DNAAF4: variants seen among roughly 807,000 people sequenced by gnomAD.
DNAAF4 encodes dynein axonemal assembly factor 4, also known as dynein assembly factor 4, axonemal.
In DNAAF4, 43 loss-of-function variants were observed where a neutral mutation model predicts 51.8. The ratio of observed to expected loss-of-function variants is 0.83; its 90% CI spans 0.65 to 1.07. The LOEUF (loss-of-function observed/expected upper bound fraction) is 1.07, where lower values mean the gene tolerates loss of function less well. Ranked by LOEUF, DNAAF4 falls within the 50% of genes least tolerant of loss-of-function variation. The pLI is 0.00. For synonymous variants in DNAAF4, 194 were observed against 165.6 expected (o/e 1.17, Z -1.32); for missense variants, 581 against 493.0 (o/e 1.18, Z -1.69).
At chr15:55,455,025 A>C (rs2057996407) in intron 5 of DNAAF4, among the ~76,000 whole-genome samples, 1 of 151,414 alleles carries the variant, frequency 6.6e-6, no homozygotes. Flanking sequence ...TATGAAAATG[A>C]ATTTGAATAG....
At chr15:55,490,454 T>C (rs1206717748) in intron 4 of DNAAF4, among the ~76,000 whole-genome samples, 1 of 152,204 alleles carries the variant, frequency 6.6e-6, no homozygotes, top group Admixed American at 6.5e-5. Context: ...ATTAAAACTT[T>C]CACTTAAAAC....
In DNAAF4 at chr15:55,473,208, T is replaced by A. The variant is rs1162954236; in HGVS notation, c.406-6047A>T. ...AACCTAAAAAAAAAAAATATATATA[T>A]ATATATATATATATGTGTGTGTGTA... On this transcript the variant is annotated intron_variant, in intron 4 of 9. Transcript: ENST00000321149. Among the ~76,000 whole-genome samples, 14 of 118,812 alleles carry A rather than the reference T, an allele frequency of 1.2e-4. 1 individual carries two copies. Among genetic ancestry groups the A allele is most frequent in the African/African-American group, 3.7e-4 (12 of 32,288 alleles). The allele number at this position is 118,812 out of a possible 152,430, so 77.9% of individuals were successfully genotyped here.
chr15:55,429,862 A>T (rs1033208268), downstream of DNAAF4, among the ~76,000 whole-genome samples: 3 of 152,028 alleles, frequency 2.0e-5, no homozygotes, highest in African/African-American at 7.2e-5. Flanking sequence ...AGAGAATTAC[A>T]GTAACTACAA....
chr15:55,437,430 C>T (rs2057631217), intron 7 of DNAAF4, among the ~76,000 whole-genome samples: 1 of 150,932 alleles, frequency 6.6e-6, no homozygotes, highest in African/African-American at 2.4e-5. Flanking sequence ...GGTGTTGTAA[C>T]AGACAAGAGA....
chr15:55,433,963 AAT>A (rs1293254758), intron 8 of DNAAF4, among the ~76,000 whole-genome samples: 1 of 29,928 alleles, frequency 3.3e-5, no homozygotes, highest in Non-Finnish European at 6.2e-5. Flanking sequence ...TAATATATAT[AAT>A]ATATTTTATA....
intron 5 of DNAAF4, among the ~76,000 whole-genome samples, chr15:55,460,838 C>T (rs994292117): frequency 9.2e-5 from 14 of 151,390 alleles, no homozygotes; most frequent in Non-Finnish European, 1.5e-4. Flanking sequence ...GATCTCGACT[C>T]ACCGCAACCT....
At chr15:55,428,114 C>A (rs573841309), downstream of DNAAF4, among the ~76,000 whole-genome samples, 4 of 151,826 alleles carry the variant, frequency 2.6e-5, no homozygotes, top group African/African-American at 9.7e-5. Context: ...CCACCATGCC[C>A]GGCTAATTTT....
At chr15:55,448,520 GT>G (rs1372771194) in intron 6 of DNAAF4, among the ~76,000 whole-genome samples, 563 of 30,430 alleles carry the variant, frequency 0.019, 25 homozygotes, top group African/African-American at 0.083. Context: ...AAAAAAAAGG[GT>G]GTGTGTGTGT....
intron 4 of DNAAF4, among the ~76,000 whole-genome samples, chr15:55,469,775 C>A (rs1395342509): frequency 6.6e-6 from 1 of 151,972 alleles, no homozygotes; most frequent in Non-Finnish European, 1.5e-5. Context: ...CAGGCGTGAG[C>A]CACTGCGCCC....
At chr15:55,430,307 G>A (rs1458674713), downstream of DNAAF4, 5 of 834,966 alleles carry the variant, frequency 6.0e-6, no homozygotes, top group African/African-American at 1.8e-5. Flanking sequence ...ACAAACAAAA[G>A]TTATTTATAA....
At chr15:55,483,038 C>T (rs2058433464) in intron 4 of DNAAF4, among the ~76,000 whole-genome samples, 1 of 152,060 alleles carries the variant, frequency 6.6e-6, no homozygotes, top group Admixed American at 6.5e-5. Context: ...CCTCCAGGGG[C>T]TATGGTGGAG....
At chr15:55,421,016 C>T (rs2057383535) in intron 7 of DNAAF4, among the ~76,000 whole-genome samples, 1 of 151,772 alleles carries the variant, frequency 6.6e-6, no homozygotes, top group South Asian at 2.1e-4. Flanking sequence ...TGACAAAACC[C>T]CGTCTCTACT....
At chr15:55,434,043 T>C (rs1219525644) in intron 8 of DNAAF4, among the ~76,000 whole-genome samples, 2 of 104,220 alleles carry the variant, frequency 1.9e-5, no homozygotes, top group Non-Finnish European at 3.7e-5. Context: ...ATATTATATA[T>C]ATATATAAAA....
At chr15:55,488,601 A>G (rs1316035564) in intron 4 of DNAAF4, among the ~76,000 whole-genome samples, 1 of 152,212 alleles carries the variant, frequency 6.6e-6, no homozygotes, top group Non-Finnish European at 1.5e-5. Context: ...AATGGCTATA[A>G]TAAGGATGAA....
Position 55,497,737 on chromosome 15 carries a change from C to G in DNAAF4, c.246G>C (p.Met82Ile), listed in dbSNP as rs1028632064. ...CACCCGTCACAGAAAGGGTCTCCCA[C>G]ATGGCCGCTTCTTTTTTATACAAGG... Reference protein sequence around the residue: ...VFTLYKKEAAMWETLSVTGVD... With the variant: ...VFTLYKKEAAIWETLSVTGVD... Residue 82 changes from methionine to isoleucine, a missense_variant, in exon 3 of 10, where the codon ATG becomes ATC. Met to Ile is a conservative substitution (Grantham distance 10). Coordinates refer to ENST00000321149, the MANE Select transcript of DNAAF4 (RefSeq NM_130810.4). The G allele has an allele frequency of 3.8e-5, 61 of 1,612,746 alleles. No homozygotes were observed. Among genetic ancestry groups the G allele is most frequent in the Non-Finnish European group, 5.2e-5 (61 of 1,179,620 alleles).
intron 5 of DNAAF4, among the ~76,000 whole-genome samples, chr15:55,454,063 G>C (rs866408676): frequency 6.6e-6 from 1 of 151,926 alleles, no homozygotes; most frequent in Non-Finnish European, 1.5e-5. Context: ...GATTTTGGGA[G>C]GCCAAGACAG....
At chr15:55,442,899 A>G (rs900792187) in intron 6 of DNAAF4, 6 of 1,612,114 alleles carry the variant, frequency 3.7e-6, no homozygotes, top group African/African-American at 1.3e-5. Context: ...TGGCACCTCC[A>G]TGAATCAATC....
chr15:55,462,892 C>T (rs1453145936), intron 5 of DNAAF4, among the ~76,000 whole-genome samples: 1 of 152,098 alleles, frequency 6.6e-6, no homozygotes, highest in Non-Finnish European at 1.5e-5. Context: ...CATTTGAGGC[C>T]GAGTGTGGTG....
chr15:55,469,960 A>AT (rs2058229157), intron 4 of DNAAF4, among the ~76,000 whole-genome samples: 1 of 152,258 alleles, frequency 6.6e-6, no homozygotes, highest in South Asian at 2.1e-4. Flanking sequence ...CCAATCAGCT[A>AT]TAAGTTGGGG....
Sources: allele counts gnomAD v4.1 joint callset (sites outside exome capture counted in the v4.1 genomes callset), GRCh38; gene constraint gnomAD v4.1.1; transcripts MANE v1.5; gene names NCBI Gene and HGNC (gene_info 2026-07-23, HGNC 2026-07-21).